LRMDA: variants seen among roughly 807,000 people sequenced by gnomAD.
LRMDA encodes the protein leucine-rich melanocyte differentiation-associated protein.
LRMDA carries 18 observed loss-of-function variants against 29.8 expected under a neutral mutation model. The observed-to-expected ratio is 0.60, with a 90% confidence interval of 0.42 to 0.90. The LOEUF (loss-of-function observed/expected upper bound fraction) is 0.90. LRMDA is among the 40% of genes least tolerant of loss of function. The probability of loss-of-function intolerance (pLI) is 0.00; values close to 1 mark genes in which losing one functional copy is unlikely to be tolerated. For synonymous variants in LRMDA, 125 were observed against 109.4 expected (o/e 1.14, Z -0.89); for missense variants, 273 against 273.9 (o/e 1.00, Z 0.02).
At chr10:76,264,436 A>C (rs1839981098) in intron 5 of LRMDA, among the ~76,000 whole-genome samples, 2 of 123,588 alleles carry the variant, frequency 1.6e-5, no homozygotes, top group Admixed American at 8.1e-5. Flanking sequence ...AAAAAAAAAA[A>C]AAAAAAAAAA....
intron 2 of LRMDA, among the ~76,000 whole-genome samples, chr10:75,600,866 A>T (rs1031697941): frequency 1.3e-5 from 2 of 152,246 alleles, no homozygotes; most frequent in East Asian, 3.8e-4. Flanking sequence ...GAACATGAGA[A>T]ATAGCATTCA....
chr10:76,182,739 A>C (rs1851072703), intron 5 of LRMDA, among the ~76,000 whole-genome samples: 1 of 152,182 alleles, frequency 6.6e-6, no homozygotes, highest in South Asian at 2.1e-4. Context: ...GTATTGATGA[A>C]AGCAGTAAAG....
rs185029020 is a variant in LRMDA, at chr10:76,281,550, C to T, written c.517-42851C>T. On this transcript the variant is annotated intron_variant, in intron 5 of 6. Transcript: ENST00000611255. Reference sequence around the variant, plus strand: ...CCAAATCCACATCCTTTATACTCACCTGGACAACTACCATTCCCCCAACCC... The same window carrying T: ...CCAAATCCACATCCTTTATACTCACTTGGACAACTACCATTCCCCCAACCC... Among the ~76,000 whole-genome samples, 392 of 152,268 alleles carry T rather than the reference C, an allele frequency of 2.6e-3. 3 individuals are homozygous for T. Among genetic ancestry groups the T allele is most frequent in the African/African-American group, 9.0e-3 (374 of 41,554 alleles).
chr10:75,565,740 CTTAGTT>C (rs1840364113), intron 2 of LRMDA, among the ~76,000 whole-genome samples: 1 of 152,148 alleles, frequency 6.6e-6, no homozygotes, highest in Admixed American at 6.5e-5. Context: ...GTACTTCCTA[CTTAGTT>C]TTAAACTCTA....
intron 5 of LRMDA, among the ~76,000 whole-genome samples, chr10:76,242,939 A>C (rs191096940): frequency 6.6e-6 from 1 of 152,198 alleles, no homozygotes; most frequent in Non-Finnish European, 1.5e-5. Context: ...AGTGAGGATA[A>C]GATGAGCAGC....
intron 2 of LRMDA, among the ~76,000 whole-genome samples, chr10:75,672,861 T>C (rs1841915633): frequency 6.6e-6 from 1 of 151,540 alleles, no homozygotes; most frequent in Admixed American, 6.6e-5. Context: ...CTTGAACCAC[T>C]GCGCCCAACC....
chr10:75,737,428 GC>G (rs2132205855), intron 2 of LRMDA, among the ~76,000 whole-genome samples: 1 of 152,362 alleles, frequency 6.6e-6, no homozygotes, highest in African/African-American at 2.4e-5. Context: ...ATGGGTATCT[GC>G]AGCAGTCTGG....
intron 2 of LRMDA, among the ~76,000 whole-genome samples, chr10:76,018,450 G>A (rs1372648606): frequency 6.6e-6 from 1 of 152,134 alleles, no homozygotes; most frequent in Non-Finnish European, 1.5e-5. Context: ...ATTTTGCAGT[G>A]GTCTCGGGAA....
At chr10:75,848,574 C>T (rs1307928207) in intron 2 of LRMDA, among the ~76,000 whole-genome samples, 2 of 152,172 alleles carry the variant, frequency 1.3e-5, no homozygotes, top group Admixed American at 6.5e-5. Context: ...TTCCTGCCTC[C>T]TTCTTCCTGG....
intron 5 of LRMDA, among the ~76,000 whole-genome samples, chr10:76,101,561 G>A (rs10824364): frequency 0.43 from 66,044 of 151,882 alleles, 14,882 homozygotes; most frequent in Non-Finnish European, 0.46. Context: ...ACATGGGGAA[G>A]CTCTGTCTCT....
chr10:76,051,065 T>C (rs1848523159), intron 4 of LRMDA, among the ~76,000 whole-genome samples: 1 of 152,216 alleles, frequency 6.6e-6, no homozygotes, highest in Non-Finnish European at 1.5e-5. Flanking sequence ...TTCCCCTGCA[T>C]GGAGCAGCCC....
chr10:76,363,285 AAGGAAGGAAGGAAGGG>A, intron 6 of LRMDA, among the ~76,000 whole-genome samples: 1 of 138,232 alleles, frequency 7.2e-6, no homozygotes, highest in African/African-American at 2.7e-5. Flanking sequence ...GAAAGGAAGG[AAGGAAGGAAGGAAGGG>A]AGGAAGGGAG....
chr10:76,283,305 G>A (rs1294066060), intron 5 of LRMDA, among the ~76,000 whole-genome samples: 1 of 152,178 alleles, frequency 6.6e-6, no homozygotes, highest in Admixed American at 6.6e-5. Context: ...ATAAAAATAA[G>A]ATTGGAAGCA....
intron 6 of LRMDA, among the ~76,000 whole-genome samples, chr10:76,378,545 G>C (rs533313521): frequency 6.6e-6 from 1 of 152,136 alleles, no homozygotes; most frequent in African/African-American, 2.4e-5. Context: ...TTATTTTGAG[G>C]TATGTTCCTT....
At chr10:76,421,517 TTAAC>T (rs1306986745) in intron 6 of LRMDA, among the ~76,000 whole-genome samples, 3 of 152,202 alleles carry the variant, frequency 2.0e-5, no homozygotes, top group African/African-American at 7.2e-5. Flanking sequence ...TAGTGACATC[TTAAC>T]TAACATTTAA....
At chr10:76,213,987 A>T (rs1057047288) in intron 5 of LRMDA, among the ~76,000 whole-genome samples, 1 of 152,132 alleles carries the variant, frequency 6.6e-6, no homozygotes, top group African/African-American at 2.4e-5. Context: ...CTGCACATCT[A>T]CCTGGATCAG....
intron 2 of LRMDA, among the ~76,000 whole-genome samples, chr10:75,856,405 C>T (rs1844827303): frequency 6.6e-6 from 1 of 152,098 alleles, no homozygotes; most frequent in Admixed American, 6.6e-5. Context: ...ACCAATATCC[C>T]TGATGAACAT....
At chr10:75,702,867 T>C (rs1842325426) in intron 2 of LRMDA, among the ~76,000 whole-genome samples, 4 of 152,122 alleles carry the variant, frequency 2.6e-5, no homozygotes, top group South Asian at 4.1e-4. Context: ...TTTGAGGTGA[T>C]GAAAATAAAT....
intron 5 of LRMDA, among the ~76,000 whole-genome samples, chr10:76,229,593 G>C (rs1022164164): frequency 6.6e-6 from 1 of 152,100 alleles, no homozygotes; most frequent in Non-Finnish European, 1.5e-5. Flanking sequence ...CGCCCTCTGT[G>C]CTTGGCAAGA....
Sources: allele counts gnomAD v4.1 joint callset (sites outside exome capture counted in the v4.1 genomes callset), GRCh38; gene constraint gnomAD v4.1.1; transcripts MANE v1.5; gene names NCBI Gene and HGNC (gene_info 2026-07-23, HGNC 2026-07-21).